PCDHGA6: variants seen among roughly 807,000 people sequenced by gnomAD.
The protein encoded by PCDHGA6 is protocadherin gamma subfamily A, 6.
Under a neutral mutation model 60.6 loss-of-function variants are expected in PCDHGA6, and 41 were observed. The ratio of observed to expected loss-of-function variants is 0.68; its 90% CI spans 0.53 to 0.88. The LOEUF (loss-of-function observed/expected upper bound fraction) is 0.88. PCDHGA6 is among the 40% of genes least tolerant of loss of function. PCDHGA6 has a pLI of 0.00. For missense variants in PCDHGA6, 1,312 were observed against 1,203.0 expected (o/e 1.09, Z -1.34); for synonymous variants, 594 against 524.4 (o/e 1.13, Z -1.81).
rs72790062 is a variant in PCDHGA6, at chr5:141,476,031, C to A, written c.2425-18776C>A. On this transcript the variant is annotated intron_variant, in intron 1 of 3. Coordinates refer to ENST00000517434, the MANE Select transcript of PCDHGA6 (RefSeq NM_018919.3). The surrounding 1 kb of genome is among the most constrained non-coding windows in gnomAD (Gnocchi z 7.6). Reference sequence around the variant, plus strand: ...AAGCCATGTCGGACTCGGCGCCCAGCGCCCAAGCGCTAACCCGCTGAAAGT... The same window carrying A: ...AAGCCATGTCGGACTCGGCGCCCAGAGCCCAAGCGCTAACCCGCTGAAAGT... 6.9e-6 allele frequency: 10 copies of A among 1,457,214 alleles called. No homozygotes were observed. The highest frequency in any genetic ancestry group is 9.1e-6 in the Non-Finnish European group (10 of 1,094,860). 90.3% of individuals were successfully genotyped at this position (1,457,214 alleles called of 1,614,324 possible).
intron 1 of PCDHGA6, among the ~76,000 whole-genome samples, chr5:141,426,040 G>C (rs1032424646): frequency 2.0e-5 from 3 of 152,212 alleles, no homozygotes; most frequent in African/African-American, 7.2e-5. Flanking sequence ...GAGCCCTGCT[G>C]TTGGCCAATG....
rs753001081 is a variant in PCDHGA6 at position 141,376,144 on chromosome 5, G to A, written c.2061G>A (p.Ser687=). Residue 687 remains serine (S), a synonymous_variant, in exon 1 of 4, where the codon TCG becomes TCA. Coordinates refer to ENST00000517434, the MANE Select transcript of PCDHGA6 (RefSeq NM_018919.3). ...AGCCCTCCGCCAAACCCAACGATTCGGACCTCACTCTGTACCTGGTGGTGG... is the reference window on the plus strand; with the variant it reads ...AGCCCTCCGCCAAACCCAACGATTCAGACCTCACTCTGTACCTGGTGGTGG... ...SLEPSAKPND[S]DLTLYLVVAV... 3.7e-6 allele frequency: 6 copies of A among 1,613,800 alleles called. No individual in the cohort carries two copies. The highest frequency in any genetic ancestry group is 1.1e-5 in the South Asian group (1 of 91,054).
In PCDHGA6 at chr5:141,400,030, C is replaced by T. The variant is rs201599536; in HGVS notation, c.2424+23523C>T. 180 of 1,613,050 alleles carry T rather than the reference C, an allele frequency of 1.1e-4. No individual in the cohort carries two copies. Among genetic ancestry groups the T allele is most frequent in the East Asian group, 1.6e-4 (7 of 44,886 alleles). On this transcript the variant is annotated intron_variant, in intron 1 of 3. Coordinates refer to ENST00000517434, the MANE Select transcript of PCDHGA6 (RefSeq NM_018919.3). Reference sequence around the variant, plus strand: ...TGCCTTGGGCGACAGGGACGCGGCCCGCCAGCGCCTGCTGGTTGCTGTGCG... The same window carrying T: ...TGCCTTGGGCGACAGGGACGCGGCCTGCCAGCGCCTGCTGGTTGCTGTGCG...
In PCDHGA6 at chr5:141,511,548, A is replaced by C; in HGVS notation, c.*375A>C. 3.3e-6 allele frequency: 1 copy of C among 306,952 alleles called. No homozygotes were observed. The highest frequency in any genetic ancestry group is 6.3e-6 in the Non-Finnish European group (1 of 158,248). 19.0% of individuals were successfully genotyped at this position (306,952 alleles called of 1,614,324 possible). ...CCTCCCTCCTCCCCACCCCACTCCA[A>C]CAGTTCCTCTTTCCCGAGTAAGGTG... is the stretch of plus-strand genomic sequence containing the variant. On this transcript the variant is annotated 3_prime_UTR_variant, in exon 4 of 4. Transcript: ENST00000517434.
intron 1 of PCDHGA6, among the ~76,000 whole-genome samples, chr5:141,471,039 A>G (rs1175460270): frequency 7.2e-6 from 1 of 137,964 alleles, no homozygotes; most frequent in Non-Finnish European, 1.5e-5. Context: ...TAACAAGCCC[A>G]AGCCCTCTTT....
Position 141,432,323 on chromosome 5 carries a change from T to C in PCDHGA6, c.2424+55816T>C, listed in dbSNP as rs1198710959. The C allele has an allele frequency of 3.4e-5, 55 of 1,614,214 alleles. No individual in the cohort carries two copies. Among genetic ancestry groups the C allele is most frequent in the Non-Finnish European group, 4.7e-5 (55 of 1,180,028 alleles). On this transcript the variant is annotated intron_variant, in intron 1 of 3. Transcript: ENST00000517434. This position sits in a 1 kb window ranked among gnomAD's most constrained non-coding sequence, Gnocchi z 6.0. ...ACTGTATGCGCTGAGCTCCTTCGAC[T>C]ACGAGCAGTTCCGAGACTTGCAAGT...
intron 1 of PCDHGA6, chr5:141,384,799 G>T (rs1342288929): frequency 6.2e-7 from 1 of 1,613,476 alleles, no homozygotes; most frequent in South Asian, 1.1e-5. Flanking sequence ...GGCCCTGCTG[G>T]ACAGAGATGC....
chr5:141,390,295 A>G (rs1371103397), intron 1 of PCDHGA6: 2 of 1,613,930 alleles, frequency 1.2e-6, no homozygotes, highest in South Asian at 2.2e-5. Flanking sequence ...AGTTTCCTTT[A>G]AGTATAATTT....
intron 1 of PCDHGA6, chr5:141,405,019 T>C (rs2094597771): frequency 6.2e-7 from 1 of 1,613,860 alleles, no homozygotes; most frequent in African/African-American, 1.3e-5. Flanking sequence ...CCTCAGACCT[T>C]ACCCTCTACC....
chr5:141,409,919 G>C (rs774277848), intron 1 of PCDHGA6: 1 of 1,613,346 alleles, frequency 6.2e-7, no homozygotes, highest in South Asian at 1.1e-5. Flanking sequence ...TGACGGCTCC[G>C]CGTTCTTCGA....
Position 141,490,909 on chromosome 5 carries a change from G to C in PCDHGA6, c.2425-3898G>C. ...ATCTCTGCATGTGTTTGTCCTAGAC[G>C]AGAATGATAATGCCCCAGCTGTGCT... On this transcript the variant is annotated intron_variant, in intron 1 of 3. Coordinates refer to ENST00000517434, the MANE Select transcript of PCDHGA6 (RefSeq NM_018919.3). This position sits in a 1 kb window ranked among gnomAD's most constrained non-coding sequence, Gnocchi z 5.4. 1 of 1,613,744 alleles carries C rather than the reference G, an allele frequency of 6.2e-7. No individual in the cohort carries two copies. The highest frequency in any genetic ancestry group is 2.2e-5 in the East Asian group (1 of 44,870).
intron 1 of PCDHGA6, among the ~76,000 whole-genome samples, chr5:141,443,866 T>C (rs1017854695): frequency 6.6e-6 from 1 of 151,986 alleles, no homozygotes; most frequent in Non-Finnish European, 1.5e-5. Context: ...ACTGAAAAAA[T>C]TACTGATAAG....
chr5:141,399,346 GACCGAGAGCAA>G, intron 1 of PCDHGA6: 1 of 1,613,890 alleles, frequency 6.2e-7, no homozygotes, highest in Non-Finnish European at 8.5e-7. Flanking sequence ...TGGAACCCTA[GACCGAGAGCAA>G]ACCCCGGAGT....
intron 1 of PCDHGA6, chr5:141,479,186 T>C (rs956575218): frequency 3.3e-5 from 5 of 152,590 alleles, no homozygotes; most frequent in Admixed American, 3.3e-4. Flanking sequence ...GCTAGAAAAT[T>C]CAGAAAATAC....
Position 141,491,925 on chromosome 5 carries a change from G to C in PCDHGA6, c.2425-2882G>C. On this transcript the variant is annotated intron_variant, in intron 1 of 3. Coordinates refer to ENST00000517434, the MANE Select transcript of PCDHGA6 (RefSeq NM_018919.3). This position sits in a 1 kb window ranked among gnomAD's most constrained non-coding sequence, Gnocchi z 6.9. ...GGGTGGTGGCGACTGTGGGCGAGGG[G>C]AGGTGGGACCGACCCCCACCCCTAC... 1 of 1,325,176 alleles carries C rather than the reference G, an allele frequency of 7.5e-7. No individual in the cohort carries two copies. Among genetic ancestry groups the C allele is most frequent in the Non-Finnish European group, 1.0e-6 (1 of 987,300 alleles). The allele number at this position is 1,325,176 out of a possible 1,614,324, so 82.1% of individuals were successfully genotyped here.
rs200601557 is a variant in PCDHGA6, at chr5:141,432,538, G to A, written c.2424+56031G>A. 5.0e-6 allele frequency: 8 copies of A among 1,613,908 alleles called. No homozygotes were observed. The highest frequency in any genetic ancestry group is 1.7e-5 in the Admixed American group (1 of 60,012). On this transcript the variant is annotated intron_variant, in intron 1 of 3. Coordinates refer to ENST00000517434, the MANE Select transcript of PCDHGA6 (RefSeq NM_018919.3). The surrounding 1 kb of genome is among the most constrained non-coding windows in gnomAD (Gnocchi z 6.0). ...GCTACCTGGTGACCAAGGTGGTGGCGGTGGACAGAGACTCCGGCCAGAACG... is the reference window on the plus strand; with the variant it reads ...GCTACCTGGTGACCAAGGTGGTGGCAGTGGACAGAGACTCCGGCCAGAACG...
chr5:141,482,981 A>C (rs1377809325), intron 1 of PCDHGA6, among the ~76,000 whole-genome samples: 1 of 150,250 alleles, frequency 6.7e-6, no homozygotes, highest in Non-Finnish European at 1.5e-5. Context: ...GCTACTTGAG[A>C]GGTCGAGGCA....
In PCDHGA6 at chr5:141,477,157, CA is replaced by C. The variant is rs1240879989; in HGVS notation, c.2425-17648del. 2.5e-6 allele frequency: 4 copies of C among 1,614,064 alleles called. No homozygotes were observed. Among genetic ancestry groups the C allele is most frequent in the Non-Finnish European group, 3.4e-6 (4 of 1,180,046 alleles). ...TGGTGGAGGTTGTGGATGTGAATGACAACGCCCCGGAGATCACAGTCACCTC... is the reference window on the plus strand; with the variant it reads ...TGGTGGAGGTTGTGGATGTGAATGACACGCCCCGGAGATCACAGTCACCTC... On this transcript the variant is annotated intron_variant, in intron 1 of 3. Coordinates refer to ENST00000517434, the MANE Select transcript of PCDHGA6 (RefSeq NM_018919.3). This position sits in a 1 kb window ranked among gnomAD's most constrained non-coding sequence, Gnocchi z 4.9.
intron 2 of PCDHGA6, among the ~76,000 whole-genome samples, chr5:141,502,186 CA>C (rs1470455379): frequency 1.3e-5 from 2 of 152,148 alleles, no homozygotes; most frequent in Non-Finnish European, 2.9e-5. Context: ...AACATTAATA[CA>C]ATAATATAGA....
Sources: allele counts gnomAD v4.1 joint callset (sites outside exome capture counted in the v4.1 genomes callset), GRCh38; gene constraint gnomAD v4.1.1; non-coding constraint Gnocchi (gnomAD v3.1); transcripts MANE v1.5; gene names NCBI Gene and HGNC (gene_info 2026-07-23, HGNC 2026-07-21).